CCDC178: variants seen among roughly 807,000 people sequenced by gnomAD.
The protein encoded by CCDC178 is coiled-coil domain containing 178.
CCDC178 carries 126 observed loss-of-function variants against 117.4 expected under a neutral mutation model. That is an observed-to-expected ratio of 1.07 (90% CI 0.93 to 1.24). The LOEUF (loss-of-function observed/expected upper bound fraction) is 1.24. CCDC178 is among the 50% of genes most tolerant of loss of function. CCDC178 has a pLI of 0.00. For synonymous variants in CCDC178, 283 were observed against 313.4 expected (o/e 0.90, Z 1.02); for missense variants, 1,030 against 986.9 (o/e 1.04, Z -0.59).
chr18:33,242,840 G>A (rs2059504631), intron 15 of CCDC178, among the ~76,000 whole-genome samples: 1 of 151,714 alleles, frequency 6.6e-6, no homozygotes, highest in African/African-American at 2.4e-5. Flanking sequence ...TGGACAGCAG[G>A]ACAGAGGTTC....
chr18:33,141,794 G>A (rs1485132626), intron 20 of CCDC178, among the ~76,000 whole-genome samples: 1 of 152,118 alleles, frequency 6.6e-6, no homozygotes, highest in Admixed American at 6.6e-5. Context: ...TGCTGATCAT[G>A]CGACAACATT....
chr18:33,105,418 T>C (rs1171680439), intron 20 of CCDC178, among the ~76,000 whole-genome samples: 1 of 151,648 alleles, frequency 6.6e-6, no homozygotes, highest in Non-Finnish European at 1.5e-5. Flanking sequence ...AACAATTTAG[T>C]AAATGTGTGA....
At chr18:33,386,552 T>A (rs1261492868) in intron 5 of CCDC178, among the ~76,000 whole-genome samples, 1 of 152,134 alleles carries the variant, frequency 6.6e-6, no homozygotes, top group African/African-American at 2.4e-5. Flanking sequence ...ATCCCCAGGA[T>A]GCAAGGTCAA....
intron 9 of CCDC178, among the ~76,000 whole-genome samples, chr18:33,340,202 A>C (rs2062798245): frequency 6.6e-6 from 1 of 152,162 alleles, no homozygotes; most frequent in South Asian, 2.1e-4. Flanking sequence ...ATGTTTTAGC[A>C]AAGAGACTGG....
intron 15 of CCDC178, among the ~76,000 whole-genome samples, chr18:33,237,334 C>T (rs530821359): frequency 3.8e-4 from 58 of 152,254 alleles, no homozygotes; most frequent in African/African-American, 1.4e-3. Context: ...AGGGCAAACC[C>T]ACCCTTGAAC....
At chr18:33,122,827 T>G (rs2057955174) in intron 20 of CCDC178, among the ~76,000 whole-genome samples, 1 of 152,172 alleles carries the variant, frequency 6.6e-6, no homozygotes, top group Non-Finnish European at 1.5e-5. Flanking sequence ...TTTACGTGAC[T>G]TATCAACTTC....
chr18:33,400,039 A>G (rs2063690511), intron 3 of CCDC178, among the ~76,000 whole-genome samples: 1 of 151,942 alleles, frequency 6.6e-6, no homozygotes, highest in African/African-American at 2.4e-5. Context: ...CTACTCGTAC[A>G]TCTCCATTTC....
chr18:33,234,301 T>C (rs919512562), intron 15 of CCDC178, among the ~76,000 whole-genome samples: 3 of 152,086 alleles, frequency 2.0e-5, no homozygotes, highest in Admixed American at 2.0e-4. Flanking sequence ...CATTTCCCAC[T>C]AATACAGATT....
intron 6 of CCDC178, 86 bp from the exon 7 acceptor site, chr18:33,356,432 T>C (rs2063058564): frequency 1.7e-5 from 21 of 1,216,328 alleles, no homozygotes; most frequent in Admixed American, 9.5e-5. Flanking sequence ...GTCAATTCTC[T>C]ACTTTACATA....
chr18:33,248,981 A>T (rs563108917), intron 14 of CCDC178, among the ~76,000 whole-genome samples: 8 of 152,086 alleles, frequency 5.3e-5, no homozygotes, highest in East Asian at 1.9e-4. Flanking sequence ...AGATGGTATC[A>T]CATTGTGGTT....
intron 22 of CCDC178, among the ~76,000 whole-genome samples, chr18:32,939,201 A>G (rs1208112961): frequency 6.6e-6 from 1 of 152,126 alleles, no homozygotes; most frequent in Non-Finnish European, 1.5e-5. Flanking sequence ...CTAAGTGATT[A>G]ATTCCAACTG....
intron 21 of CCDC178, among the ~76,000 whole-genome samples, chr18:33,023,551 T>C (rs1229256986): frequency 6.6e-6 from 1 of 152,114 alleles, no homozygotes; most frequent in African/African-American, 2.4e-5. Flanking sequence ...ATGTTCAAAT[T>C]TGTTAGATAC....
At chr18:32,968,388 C>T (rs549117873) in intron 22 of CCDC178, among the ~76,000 whole-genome samples, 144 of 151,754 alleles carry the variant, frequency 9.5e-4, no homozygotes, top group African/African-American at 3.3e-3. Context: ...TCTCTTTATT[C>T]ATTCATTTGT....
chr18:32,981,492 G>GTT (rs1267389087), intron 21 of CCDC178, among the ~76,000 whole-genome samples: 1 of 152,130 alleles, frequency 6.6e-6, no homozygotes, highest in Non-Finnish European at 1.5e-5. Context: ...TTTACTTATA[G>GTT]TTTATATATA....
chr18:33,075,850 TCC>T, intron 21 of CCDC178, among the ~76,000 whole-genome samples: 1 of 152,102 alleles, frequency 6.6e-6, no homozygotes, highest in African/African-American at 2.4e-5. Context: ...ATGCCTGTAA[TCC>T]CAGCTACTCG....
At chr18:33,299,585 A>T (rs1381811007) in intron 11 of CCDC178, among the ~76,000 whole-genome samples, 2 of 151,796 alleles carry the variant, frequency 1.3e-5, no homozygotes, top group African/African-American at 4.8e-5. Flanking sequence ...TATGAATAAG[A>T]CCTCAAAATT....
At chr18:33,048,771 A>G (rs1044159311) in intron 21 of CCDC178, among the ~76,000 whole-genome samples, 1 of 152,226 alleles carries the variant, frequency 6.6e-6, no homozygotes, top group Non-Finnish European at 1.5e-5. Context: ...AAAAATAGAT[A>G]GTGAAAAAGA....
chr18:33,196,581 G>A (rs1226442825), intron 20 of CCDC178, among the ~76,000 whole-genome samples: 1 of 152,148 alleles, frequency 6.6e-6, no homozygotes, highest in African/African-American at 2.4e-5. Flanking sequence ...GGGCAGTCTG[G>A]TGGGGACTGT....
chr18:33,218,381 T>C (rs1338780360), intron 18 of CCDC178, among the ~76,000 whole-genome samples: 5 of 152,164 alleles, frequency 3.3e-5, no homozygotes, highest in Non-Finnish European at 7.3e-5. Flanking sequence ...ATTGTAAAAA[T>C]TTCCTCCCAT....
Sources: allele counts gnomAD v4.1 joint callset (sites outside exome capture counted in the v4.1 genomes callset), GRCh38; gene constraint gnomAD v4.1.1; transcripts MANE v1.5; gene names NCBI Gene and HGNC (gene_info 2026-07-23, HGNC 2026-07-21).